Variants in WWP1 observed in about 807,000 individuals in gnomAD.
WWP1 encodes the protein NEDD4-like E3 ubiquitin-protein ligase WWP1.
WWP1 carries 49 observed loss-of-function variants against 130.6 expected under a neutral mutation model. That is an observed-to-expected ratio of 0.38 (90% CI 0.30 to 0.48). The LOEUF (loss-of-function observed/expected upper bound fraction) is 0.48. Ranked by LOEUF, WWP1 falls within the 20% of genes least tolerant of loss-of-function variation. WWP1 has a pLI of 0.99. For missense variants in WWP1, 809 were observed against 1,100.6 expected (o/e 0.74, Z 3.75); for synonymous variants, 332 against 367.8 (o/e 0.90, Z 1.11).
At chr8:86,458,085 G>T in intron 22 of WWP1, 60 bp downstream of exon 22, 3 of 1,400,102 alleles carry the variant, frequency 2.1e-6, no homozygotes, top group Non-Finnish European at 3.0e-6. Context: ...TGAAATGGTG[G>T]TTTTAAAAAT....
intron 1 of WWP1, among the ~76,000 whole-genome samples, chr8:86,360,124 C>T (rs980557352): frequency 6.7e-6 from 1 of 149,904 alleles, no homozygotes; most frequent in Non-Finnish European, 1.5e-5. Flanking sequence ...TCTTGGGCAA[C>T]AGACTGAGAC....
intron 1 of WWP1, among the ~76,000 whole-genome samples, chr8:86,359,764 T>C (rs1823460707): frequency 6.6e-6 from 1 of 151,980 alleles, no homozygotes; most frequent in African/African-American, 2.4e-5. Flanking sequence ...TTAAAAACAG[T>C]CCTCGGCGGG....
chr8:86,426,203 GATC>G (rs1172415423), intron 10 of WWP1, among the ~76,000 whole-genome samples: 2 of 152,196 alleles, frequency 1.3e-5, no homozygotes, highest in African/African-American at 4.8e-5. Flanking sequence ...ACTATGACAA[GATC>G]ATCAAGTTAT....
intron 5 of WWP1, among the ~76,000 whole-genome samples, chr8:86,394,316 GTCTAGGAGGTACAAAAAAA>G (rs1283303451): frequency 2.6e-5 from 4 of 152,068 alleles, no homozygotes; most frequent in Admixed American, 2.0e-4. Flanking sequence ...AAGGAAGAAG[GTCTAGGAGGTACAAAAAAA>G]TCAGCTTCTG....
chr8:86,442,214 CAT>C lies in WWP1; in HGVS notation c.1839-404_1839-403del, dbSNP rs540347012. ...TTACAGTCTGATGGATGGGGCAAGT[CAT>C]GTGCATAAAAATGAATTAATATTGT... On this transcript the variant is annotated intron_variant, in intron 17 of 24. Coordinates refer to ENST00000517970, the MANE Select transcript of WWP1 (RefSeq NM_007013.4). The C allele has an allele frequency of 1.1e-3, 164 of 153,468 alleles. 1 individual carries two copies. Among genetic ancestry groups the C allele is most frequent in the African/African-American group, 3.8e-3 (156 of 41,496 alleles). The allele number at this position is 153,468 out of a possible 1,614,324, so 9.5% of individuals were successfully genotyped here. A position where few individuals can be genotyped will look rare whatever the true frequency, so the allele number is the denominator to read the frequency against.
At chr8:86,391,751 G>A (rs1043684078) in intron 5 of WWP1, among the ~76,000 whole-genome samples, 4 of 152,066 alleles carry the variant, frequency 2.6e-5, no homozygotes, top group African/African-American at 9.7e-5. Flanking sequence ...CAAAAGCTTG[G>A]TCAGTGTAAA....
chr8:86,360,512 G>T (rs1823529666), intron 1 of WWP1, among the ~76,000 whole-genome samples: 1 of 152,138 alleles, frequency 6.6e-6, no homozygotes, highest in South Asian at 2.1e-4. Flanking sequence ...TATGCAGTAG[G>T]CCTTTCCTGA....
At chr8:86,453,297 T>A (rs1811273325) in intron 21 of WWP1, among the ~76,000 whole-genome samples, 1 of 152,192 alleles carries the variant, frequency 6.6e-6, no homozygotes, top group African/African-American at 2.4e-5. Context: ...TATTTTACTT[T>A]CTGTGACTGG....
rs760967369 is a variant in WWP1, at chr8:86,435,594, A to G, written c.1678-39A>G. 6.2e-6 allele frequency: 10 copies of G among 1,611,528 alleles called. No individual in the cohort carries two copies. The Admixed American group carries it at 8.3e-5, about 13-fold the overall frequency. On this transcript the variant is annotated intron_variant, in intron 15 of 24. Coordinates refer to ENST00000517970, the MANE Select transcript of WWP1 (RefSeq NM_007013.4). ...CTTCTCTTTATACAATACATATACTATAACTCAGATGATATTATGATATTA... is the reference window on the plus strand; with the variant it reads ...CTTCTCTTTATACAATACATATACTGTAACTCAGATGATATTATGATATTA...
At chr8:86,390,095 C>A (rs547266967) in intron 5 of WWP1, among the ~76,000 whole-genome samples, 1 of 150,664 alleles carries the variant, frequency 6.6e-6, no homozygotes, top group African/African-American at 2.5e-5. Flanking sequence ...ACATCCCAGA[C>A]GGAGCGGCGG....
intron 9 of WWP1, among the ~76,000 whole-genome samples, chr8:86,424,978 A>T (rs1377196005): frequency 6.6e-6 from 1 of 152,126 alleles, no homozygotes; most frequent in Admixed American, 6.5e-5. Context: ...TTTTCTGCTA[A>T]CTATACTTTG....
At chr8:86,462,328 G>A (rs976838588) in intron 24 of WWP1, among the ~76,000 whole-genome samples, 4 of 152,166 alleles carry the variant, frequency 2.6e-5, no homozygotes, top group Admixed American at 1.3e-4. Context: ...GTGGGAGTAC[G>A]CAGAGAAAGA....
At chr8:86,428,564 A>G (rs1809756255) in intron 11 of WWP1, among the ~76,000 whole-genome samples, 1 of 152,200 alleles carries the variant, frequency 6.6e-6, no homozygotes, top group African/African-American at 2.4e-5. Flanking sequence ...ACTTTCTCCA[A>G]AATCCTGCTG....
At chr8:86,414,604 T>C (rs1337808355) in intron 9 of WWP1, among the ~76,000 whole-genome samples, 2 of 152,178 alleles carry the variant, frequency 1.3e-5, no homozygotes, top group East Asian at 3.9e-4. Context: ...TGTTTTCTTT[T>C]GTTTGGTAAC....
At chr8:86,451,838 T>A (rs80103508) in intron 20 of WWP1, among the ~76,000 whole-genome samples, 212 of 152,336 alleles carry the variant, frequency 1.4e-3, no homozygotes, top group African/African-American at 5.0e-3. Context: ...AGATTTTGTG[T>A]CACTGACAGA....
chr8:86,417,183 G>A (rs1365239918), intron 9 of WWP1: 1 of 152,268 alleles, frequency 6.6e-6, no homozygotes. Context: ...TTCTGAGAAT[G>A]TTGTCAGCAG....
At position 86,402,061 on chromosome 8, in the gene WWP1, T is replaced by G. The variant is rs1808013482; in HGVS notation, c.582T>G (p.Pro194=). 1 of 1,613,616 alleles carries G rather than the reference T, an allele frequency of 6.2e-7. No homozygotes were observed. Among genetic ancestry groups the G allele is most frequent in the Admixed American group, 1.7e-5 (1 of 59,946 alleles). ...CGAATGGAATAGATAATCATGTACCTACAAGCACTCTAGTCCAAAACTCAT... is the reference window on the plus strand; with the variant it reads ...CGAATGGAATAGATAATCATGTACCGACAAGCACTCTAGTCCAAAACTCAT... ...EGTNGIDNHV[P]TSTLVQNSCC... is the part of the protein sequence containing the mutation. The change falls in exon 8 of 25, where the codon CCT becomes CCG. Residue 194 remains proline (P), a synonymous_variant. Transcript: ENST00000517970.
intron 1 of WWP1, among the ~76,000 whole-genome samples, chr8:86,344,781 T>C (rs1387752131): frequency 6.6e-6 from 1 of 152,188 alleles, no homozygotes; most frequent in African/African-American, 2.4e-5. Flanking sequence ...AGCACAGAGT[T>C]CCTGTTTGGG....
chr8:86,430,404 C>T (rs1809871558), intron 11 of WWP1, among the ~76,000 whole-genome samples: 1 of 151,942 alleles, frequency 6.6e-6, no homozygotes, highest in African/African-American at 2.4e-5. Flanking sequence ...CTTCAGCCTT[C>T]CAAGTAGCTG....
Sources: allele counts gnomAD v4.1 joint callset (sites outside exome capture counted in the v4.1 genomes callset), GRCh38; gene constraint gnomAD v4.1.1; transcripts MANE v1.5; gene names NCBI Gene and HGNC (gene_info 2026-07-23, HGNC 2026-07-21).